USP34: variants seen among roughly 807,000 people sequenced by gnomAD.
The protein encoded by USP34 is ubiquitin carboxyl-terminal hydrolase 34.
A neutral mutation model predicts 460.3 loss-of-function variants in USP34; 70 were observed. The observed-to-expected ratio is 0.15, with a 90% CI of 0.13 to 0.19. The LOEUF (loss-of-function observed/expected upper bound fraction) is 0.19, where lower values mean the gene tolerates loss of function less well. Among genes scored for constraint, USP34 ranks in the 10% least tolerant of loss-of-function variants. The pLI, the probability that USP34 is intolerant of heterozygous loss-of-function variation, is 1.00. For synonymous variants in USP34, 1,647 were observed against 1,405.3 expected, an observed-to-expected ratio of 1.17 and a Z score of -3.85; for missense variants, 3,985 against 4,236.2, an observed-to-expected ratio of 0.94 and a Z score of 1.65.
chr2:61,239,983 C>A (rs1418020548), intron 53 of USP34, among the ~76,000 whole-genome samples: 2 of 143,610 alleles, frequency 1.4e-5, no homozygotes, highest in East Asian at 4.0e-4. Flanking sequence ...TGCACTCCAG[C>A]CTGGGCGACA....
chr2:61,284,970 A>C lies in USP34; in HGVS notation c.4750-13T>G. On this transcript the variant is annotated splice_polypyrimidine_tract_variant and intron_variant, in intron 34 of 79. Transcript: ENST00000398571. ...GAACAAGAAATACCTTTAAAACAAA[A>C]ACATTTTAAAAGATATTTAAATACA... is the stretch of plus-strand genomic sequence containing the variant. 3.8e-6 allele frequency: 6 copies of C among 1,592,938 alleles called. No homozygotes were observed. Among genetic ancestry groups the C allele is most frequent in the Non-Finnish European group, 4.3e-6 (5 of 1,167,188 alleles).
chr2:61,354,536 G>A (rs1389946328), intron 10 of USP34, among the ~76,000 whole-genome samples: 2 of 152,190 alleles, frequency 1.3e-5, no homozygotes, highest in Admixed American at 6.5e-5. Flanking sequence ...AATGGGAGAA[G>A]GGGACACAAG....
chr2:61,457,321 A>T (rs1695469353), intron 1 of USP34, among the ~76,000 whole-genome samples: 1 of 152,196 alleles, frequency 6.6e-6, no homozygotes, highest in Non-Finnish European at 1.5e-5. Context: ...GAAGGGCCAA[A>T]CTGAGGTCAA....
chr2:61,418,998 C>A (rs1462186716), intron 2 of USP34, among the ~76,000 whole-genome samples: 1 of 152,104 alleles, frequency 6.6e-6, no homozygotes, highest in Admixed American at 6.6e-5. Flanking sequence ...TTTATTAAGT[C>A]CTTTTAGCAA....
intron 34 of USP34, among the ~76,000 whole-genome samples, chr2:61,288,217 C>A (rs907703881): frequency 2.8e-4 from 42 of 152,176 alleles, no homozygotes; most frequent in African/African-American, 9.7e-4. Flanking sequence ...CTCCTGCAAG[C>A]TTCTAAGTTC....
At chr2:61,222,572 G>A (rs767908355) in intron 65 of USP34, 47 bp downstream of exon 65, 4 of 1,496,128 alleles carry the variant, frequency 2.7e-6, no homozygotes, top group Admixed American at 3.4e-5. Context: ...AGCATTAGCA[G>A]TGCTGAAAAT....
chr2:61,468,311 G>A (rs1695846858), intron 1 of USP34, among the ~76,000 whole-genome samples: 1 of 152,212 alleles, frequency 6.6e-6, no homozygotes, highest in African/African-American at 2.4e-5. Flanking sequence ...AGCCTCCCCA[G>A]TAGCTGGGAT....
chr2:61,370,667 T>A (rs1692593733), intron 8 of USP34, 88 bp from the exon 9 acceptor site: 1 of 1,178,506 alleles, frequency 8.5e-7, no homozygotes, highest in African/African-American at 1.6e-5. Flanking sequence ...AAACCTAAAT[T>A]TGTTCCTATA....
Position 61,463,766 on chromosome 2 carries a change from G to A in USP34, c.43+6884C>T, listed in dbSNP as rs1052262953. 3.3e-5 allele frequency among the ~76,000 whole-genome samples: 5 copies of A among 151,744 alleles called. No individual in the cohort carries two copies. The South Asian group carries it at 1.0e-3, about 32-fold the overall frequency. ...GGAGAATCGCTTGAACCCAGGAGGC[G>A]GAGGTTGCAATGAGCCGAGATCATG... is the stretch of plus-strand genomic sequence containing the variant. On this transcript the variant is annotated intron_variant, in intron 1 of 79. Transcript: ENST00000398571.
At chr2:61,316,757 C>CCCCTGTAATCCCAGATACTTCGGG (rs1396542912) in intron 23 of USP34, among the ~76,000 whole-genome samples, 54 of 150,630 alleles carry the variant, frequency 3.6e-4, no homozygotes, top group Non-Finnish European at 7.1e-4. Context: ...TGGTGGTGCA[C>CCCCTGTAATCCCAGATACTTCGGG]CCCTGTAATC....
intron 34 of USP34, among the ~76,000 whole-genome samples, chr2:61,288,428 A>C (rs1689753469): frequency 6.6e-6 from 1 of 152,188 alleles, no homozygotes; most frequent in African/African-American, 2.4e-5. Context: ...AAAGTATATA[A>C]ATTACTGAGT....
intron 10 of USP34, among the ~76,000 whole-genome samples, chr2:61,362,051 C>A (rs563329777): frequency 4.6e-5 from 7 of 152,088 alleles, no homozygotes; most frequent in Admixed American, 3.9e-4. Flanking sequence ...AACAAATAGC[C>A]AATAGGTATA....
intron 1 of USP34, among the ~76,000 whole-genome samples, chr2:61,456,012 G>A (rs927533974): frequency 3.9e-5 from 6 of 152,054 alleles, no homozygotes; most frequent in African/African-American, 1.2e-4. Context: ...TCTGTACTCT[G>A]GAACCTTCCT....
At position 61,383,436 on chromosome 2, in the gene USP34, C is replaced by A. The variant is rs531491709; in HGVS notation, c.754-100G>T. On this transcript the variant is annotated intron_variant, in intron 5 of 79. Coordinates refer to ENST00000398571, the MANE Select transcript of USP34 (RefSeq NM_014709.4). ...AACAAGAGCATTGGCCAGGCACGGT[C>A]GCTCACGCCTGTAATCCCAGCACTT... 5 of 820,658 alleles carry A rather than the reference C, an allele frequency of 6.1e-6. No individual in the cohort carries two copies. The East Asian group carries it at 8.5e-5, about 14-fold the overall frequency. The allele number at this position is 820,658 out of a possible 1,614,324, so 50.8% of individuals were successfully genotyped here.
At chr2:61,290,353 T>C (rs976613354) in intron 33 of USP34, among the ~76,000 whole-genome samples, 2 of 152,108 alleles carry the variant, frequency 1.3e-5, no homozygotes, top group African/African-American at 4.8e-5. Context: ...ATCCAAGAGA[T>C]AAAAACATAC....
chr2:61,437,685 A>G (rs1024976899), intron 1 of USP34, among the ~76,000 whole-genome samples: 42 of 152,214 alleles, frequency 2.8e-4, no homozygotes, highest in African/African-American at 9.9e-4. Flanking sequence ...AGGCAGGAGA[A>G]TGGCTTGAAC....
intron 20 of USP34, 118 bp from the exon 21 acceptor site, chr2:61,325,575 T>A: frequency 5.7e-6 from 3 of 529,070 alleles, no homozygotes; most frequent in Non-Finnish European, 6.1e-6. Context: ...ATAATTATTT[T>A]AACTAAGTAT....
At chr2:61,437,717 G>C (rs908752360) in intron 1 of USP34, among the ~76,000 whole-genome samples, 1 of 151,610 alleles carries the variant, frequency 6.6e-6, no homozygotes. Context: ...AGCTTGCAGT[G>C]AGCCCAGATT....
chr2:61,280,419 T>C, intron 38 of USP34, 71 bp from the exon 39 acceptor site: 1 of 720,164 alleles, frequency 1.4e-6, no homozygotes, highest in East Asian at 3.3e-5. Flanking sequence ...TTTAAGAAAC[T>C]AGAGGCTTTA....
Sources: allele counts gnomAD v4.1 joint callset (sites outside exome capture counted in the v4.1 genomes callset), GRCh38; gene constraint gnomAD v4.1.1; transcripts MANE v1.5; gene names NCBI Gene and HGNC (gene_info 2026-07-23, HGNC 2026-07-21).